Variants in MPP7 observed in about 807,000 individuals in gnomAD.
MPP7 encodes the protein MAGUK p55 subfamily member 7.
MPP7 carries 60 observed loss-of-function variants against 76.5 expected under a neutral mutation model. The observed-to-expected ratio is 0.78, with a 90% CI of 0.64 to 0.97. The LOEUF is 0.97. Ranked by LOEUF, MPP7 falls within the 50% of genes least tolerant of loss-of-function variation. The pLI is 0.00. For synonymous variants in MPP7, 237 were observed against 244.5 expected, an observed-to-expected ratio of 0.97 and a Z score of 0.29; for missense variants, 641 against 694.0, an observed-to-expected ratio of 0.92 and a Z score of 0.86.
At chr10:28,065,113 T>C (rs1366011712) in intron 13 of MPP7, among the ~76,000 whole-genome samples, 1 of 152,188 alleles carries the variant, frequency 6.6e-6, no homozygotes, top group African/African-American at 2.4e-5. Context: ...TTGTTGAAAA[T>C]CAAATTGAGA....
chr10:28,143,892 TGTGTGTGTGTGA>T (rs199523322), intron 5 of MPP7, among the ~76,000 whole-genome samples: 11,059 of 141,332 alleles, frequency 0.078, 836 homozygotes, highest in East Asian at 0.38. Flanking sequence ...TGTGTGTGTG[TGTGTGTGTGTGA>T]GACTGAGTTT....
intron 2 of MPP7, among the ~76,000 whole-genome samples, chr10:28,211,949 C>T (rs753888947): frequency 3.9e-5 from 6 of 151,946 alleles, no homozygotes; most frequent in Non-Finnish European, 8.8e-5. Context: ...ATCTAACTTA[C>T]ATTACAAAAG....
At chr10:28,158,285 A>C (rs1836137494) in intron 3 of MPP7, among the ~76,000 whole-genome samples, 1 of 152,162 alleles carries the variant, frequency 6.6e-6, no homozygotes, top group Admixed American at 6.5e-5. Flanking sequence ...GTGAAATGTA[A>C]CCATCAACTA....
chr10:28,278,908 T>A (rs1176297385), intron 1 of MPP7, among the ~76,000 whole-genome samples: 1 of 151,106 alleles, frequency 6.6e-6, no homozygotes, highest in Non-Finnish European at 1.5e-5. Context: ...ATTTCTGAAA[T>A]GTTACCCAAA....
intron 3 of MPP7, among the ~76,000 whole-genome samples, chr10:28,178,359 T>C (rs1401336008): frequency 1.3e-5 from 2 of 151,898 alleles, no homozygotes; most frequent in Non-Finnish European, 1.5e-5. Flanking sequence ...ATCAGCTCTT[T>C]TAACAACTCA....
intron 2 of MPP7, among the ~76,000 whole-genome samples, chr10:28,229,495 T>A (rs1838805323): frequency 1.3e-5 from 2 of 152,134 alleles, no homozygotes; most frequent in Non-Finnish European, 2.9e-5. Flanking sequence ...TGTAAGCAGA[T>A]GGAAAAACCA....
intron 1 of MPP7, among the ~76,000 whole-genome samples, chr10:28,269,040 C>T (rs1215282113): frequency 2.0e-5 from 3 of 152,176 alleles, no homozygotes; most frequent in Admixed American, 6.5e-5. Flanking sequence ...ACCTTTTACT[C>T]AAAAGTAAGG....
chr10:28,069,877 C>G (rs1432403199), intron 12 of MPP7, 25 bp from the exon 13 acceptor site: 6 of 1,565,976 alleles, frequency 3.8e-6, no homozygotes, highest in Non-Finnish European at 5.3e-6. Flanking sequence ...AACAGAAATT[C>G]ATTATTGGAC....
intron 2 of MPP7, among the ~76,000 whole-genome samples, chr10:28,219,406 T>C (rs1838421282): frequency 1.3e-5 from 2 of 152,200 alleles, no homozygotes; most frequent in Admixed American, 1.3e-4. Context: ...TTCACTCTGC[T>C]TGCAGATTCC....
intron 1 of MPP7, among the ~76,000 whole-genome samples, chr10:28,255,318 T>C (rs1839749068): frequency 6.6e-6 from 1 of 152,094 alleles, no homozygotes; most frequent in South Asian, 2.1e-4. Flanking sequence ...TTCACCATGT[T>C]GGCTAGGCTG....
intron 3 of MPP7, among the ~76,000 whole-genome samples, chr10:28,179,801 T>C (rs555977662): frequency 5.1e-4 from 78 of 152,314 alleles, no homozygotes; most frequent in Non-Finnish European, 9.3e-4. Context: ...AAGACAAAGA[T>C]ACATGCCAAC....
At chr10:28,160,411 C>A (rs909907810) in intron 3 of MPP7, among the ~76,000 whole-genome samples, 3 of 152,134 alleles carry the variant, frequency 2.0e-5, no homozygotes, top group African/African-American at 7.2e-5. Context: ...CTAACTAGTA[C>A]CACTTGGTGC....
At chr10:28,234,463 C>A (rs979377477) in intron 2 of MPP7, among the ~76,000 whole-genome samples, 30 of 151,950 alleles carry the variant, frequency 2.0e-4, no homozygotes, top group Admixed American at 2.0e-3. Context: ...GTGGGCTGCA[C>A]AAAGAGACTT....
At chr10:28,079,634 A>G (rs1852666826) in intron 12 of MPP7, among the ~76,000 whole-genome samples, 1 of 152,216 alleles carries the variant, frequency 6.6e-6, no homozygotes, top group Non-Finnish European at 1.5e-5. Flanking sequence ...ATGTTCTTAT[A>G]CTGACAAAAA....
At chr10:28,218,376 A>T (rs1001264436) in intron 2 of MPP7, among the ~76,000 whole-genome samples, 1 of 152,200 alleles carries the variant, frequency 6.6e-6, no homozygotes, top group African/African-American at 2.4e-5. Flanking sequence ...GCAAGCTGTG[A>T]TCCTGCACAC....
chr10:28,063,500 T>A (rs1432084187), intron 13 of MPP7, among the ~76,000 whole-genome samples: 2 of 150,488 alleles, frequency 1.3e-5, no homozygotes, highest in Admixed American at 6.6e-5. Context: ...GAACACGCAC[T>A]TTACCAAAGA....
chr10:28,100,693 A>C (rs1050073300), intron 11 of MPP7, among the ~76,000 whole-genome samples: 1 of 152,174 alleles, frequency 6.6e-6, no homozygotes, highest in Non-Finnish European at 1.5e-5. Context: ...CACATGCCAT[A>C]AACACCCTTG....
intron 12 of MPP7, among the ~76,000 whole-genome samples, chr10:28,088,646 A>C (rs766072772): frequency 3.3e-5 from 5 of 152,176 alleles, no homozygotes; most frequent in Admixed American, 6.5e-5. Flanking sequence ...ATGTACTAAC[A>C]CTAAGAGACA....
At chr10:28,146,226 A>C (rs1835698139) in intron 5 of MPP7, among the ~76,000 whole-genome samples, 5 of 152,146 alleles carry the variant, frequency 3.3e-5, no homozygotes, top group Admixed American at 3.3e-4. Context: ...TTCTGCTCTA[A>C]TCTGATCCTT....
Sources: gnomAD v4.1 joint callset for allele counts (sites outside exome capture counted in the v4.1 genomes callset) on GRCh38, gnomAD v4.1.1 for gene constraint, MANE v1.5 for transcripts, NCBI Gene and HGNC (gene_info 2026-07-23, HGNC 2026-07-21) for gene names.